Variants in RIPOR2 observed in about 807,000 individuals in gnomAD.
RIPOR2 encodes rho family-interacting cell polarization regulator 2.
RIPOR2 carries 39 observed loss-of-function variants against 114.5 expected under a neutral mutation model. The ratio of observed to expected loss-of-function variants is 0.34; its 90% CI spans 0.26 to 0.44. The LOEUF (loss-of-function observed/expected upper bound fraction) is 0.44. Among genes scored for constraint, RIPOR2 ranks in the 20% least tolerant of loss-of-function variants. The probability of loss-of-function intolerance (pLI) is 1.00; values close to 1 mark genes in which losing one functional copy is unlikely to be tolerated. For missense variants in RIPOR2, 1,007 were observed against 1,255.1 expected (o/e 0.80, Z 2.99); for synonymous variants, 445 against 484.4 (o/e 0.92, Z 1.07).
At chr6:25,004,977 CA>C (rs1775486589) in intron 1 of RIPOR2, among the ~76,000 whole-genome samples, 1 of 134,806 alleles carries the variant, frequency 7.4e-6, no homozygotes, top group African/African-American at 2.8e-5. Flanking sequence ...CAAATGTATT[CA>C]AATAGGCTAC....
intron 1 of RIPOR2, among the ~76,000 whole-genome samples, chr6:24,915,921 A>G (rs556077172): frequency 3.2e-4 from 49 of 152,306 alleles, no homozygotes; most frequent in African/African-American, 1.1e-3. Flanking sequence ...CCACTCTGCC[A>G]TGCAGGCTCT....
chr6:24,847,342 AC>A (rs1202903101), intron 12 of RIPOR2, among the ~76,000 whole-genome samples: 2 of 152,238 alleles, frequency 1.3e-5, no homozygotes, highest in African/African-American at 4.8e-5. Context: ...CAGCACAAAA[AC>A]AGGGATCATT....
At chr6:24,958,958 C>CTTTCTTTTT (rs139147901) in intron 1 of RIPOR2, among the ~76,000 whole-genome samples, 42,809 of 123,150 alleles carry the variant, frequency 0.35, 8,128 homozygotes, top group Non-Finnish European at 0.41. Context: ...TCTACATTTT[C>CTTTCTTTTT]TTTTTTTTTT....
chr6:25,021,901 GA>G (rs1158204933), intron 1 of RIPOR2, among the ~76,000 whole-genome samples: 1 of 152,200 alleles, frequency 6.6e-6, no homozygotes, highest in Admixed American at 6.5e-5. Flanking sequence ...TGAGAGACCA[GA>G]TTGAAATCCA....
chr6:25,026,045 GTT>G (rs796470668), intron 1 of RIPOR2, among the ~76,000 whole-genome samples: 1 of 146,260 alleles, frequency 6.8e-6, no homozygotes. Flanking sequence ...AAAGATTGTT[GTT>G]TTTTTTTTTT....
intron 1 of RIPOR2, among the ~76,000 whole-genome samples, chr6:24,892,457 G>T (rs1767458485): frequency 6.6e-6 from 1 of 152,108 alleles, no homozygotes; most frequent in African/African-American, 2.4e-5. Flanking sequence ...GGTCACACAA[G>T]AACTGTTTGA....
intron 1 of RIPOR2, chr6:24,976,741 G>C: frequency 6.2e-7 from 1 of 1,610,844 alleles, no homozygotes; most frequent in Non-Finnish European, 8.5e-7. Flanking sequence ...TTGAAGATGA[G>C]AACTTCATCC....
At chr6:24,865,261 A>C (rs1448665842) in intron 7 of RIPOR2, 40 bp downstream of exon 7, 1 of 1,551,572 alleles carries the variant, frequency 6.4e-7, no homozygotes, top group South Asian at 1.2e-5. Context: ...ACACCAGGCC[A>C]GATGGGATTC....
chr6:24,829,404 G>A (rs186180974), intron 17 of RIPOR2, among the ~76,000 whole-genome samples: 12 of 152,112 alleles, frequency 7.9e-5, no homozygotes, highest in African/African-American at 2.9e-4. Context: ...GCCAAGGGAG[G>A]ATTGCTTGAG....
intron 1 of RIPOR2, among the ~76,000 whole-genome samples, chr6:24,880,137 T>C (rs905592731): frequency 3.9e-5 from 6 of 152,188 alleles, no homozygotes; most frequent in African/African-American, 1.4e-4. Flanking sequence ...CTTTGATAGC[T>C]CCTCTAGGGA....
intron 1 of RIPOR2, among the ~76,000 whole-genome samples, chr6:24,992,312 C>G (rs1002531494): frequency 6.6e-5 from 10 of 152,140 alleles, no homozygotes; most frequent in African/African-American, 2.4e-4. Flanking sequence ...GTACTCCTCA[C>G]TTTGCATGGT....
intron 1 of RIPOR2, among the ~76,000 whole-genome samples, chr6:24,929,919 T>A (rs2114142277): frequency 1.3e-5 from 2 of 152,050 alleles, no homozygotes; most frequent in Admixed American, 1.3e-4. Context: ...ACAAAAAAAA[T>A]TAAAAAATTA....
At chr6:24,954,440 G>A (rs1212784613) in intron 1 of RIPOR2, among the ~76,000 whole-genome samples, 1 of 141,270 alleles carries the variant, frequency 7.1e-6, no homozygotes, top group African/African-American at 2.6e-5. Context: ...AACTGTGCAG[G>A]CCCAGTCTCT....
At chr6:24,945,308 T>C (rs1052890015) in intron 1 of RIPOR2, among the ~76,000 whole-genome samples, 5 of 152,132 alleles carry the variant, frequency 3.3e-5, no homozygotes, top group African/African-American at 1.2e-4. Flanking sequence ...TTTCCAGATA[T>C]ACAAAAGCTG....
At chr6:25,041,956 C>A in exon 1 of RIPOR2, 1 of 697,694 alleles carries the variant, frequency 1.4e-6, no homozygotes, top group Non-Finnish European at 2.6e-6. Flanking sequence ...AAAACCTGCT[C>A]ATGGCAAAGG....
intron 1 of RIPOR2, among the ~76,000 whole-genome samples, chr6:24,988,743 C>T (rs1382718611): frequency 5.3e-5 from 8 of 152,010 alleles, no homozygotes; most frequent in Admixed American, 1.3e-4. Flanking sequence ...CTTGTCCTTG[C>T]CATGTTTATG....
intron 15 of RIPOR2, among the ~76,000 whole-genome samples, chr6:24,834,984 G>T (rs1761003406): frequency 6.6e-6 from 1 of 152,138 alleles, no homozygotes; most frequent in Non-Finnish European, 1.5e-5. Context: ...AAGCAAGCTG[G>T]GAGAAGAATG....
intron 1 of RIPOR2, among the ~76,000 whole-genome samples, chr6:24,917,178 T>C (rs1770142922): frequency 1.3e-5 from 2 of 152,072 alleles, no homozygotes; most frequent in Non-Finnish European, 2.9e-5. Context: ...TAATCTAGAA[T>C]AGCCTTTTTG....
intron 1 of RIPOR2, among the ~76,000 whole-genome samples, chr6:24,925,410 A>G (rs1770792057): frequency 6.6e-6 from 1 of 152,110 alleles, no homozygotes; most frequent in Admixed American, 6.6e-5. Flanking sequence ...AAGTGTAGAG[A>G]ATTTAGGTTC....
Sources: allele counts gnomAD v4.1 joint callset (sites outside exome capture counted in the v4.1 genomes callset), GRCh38; gene constraint gnomAD v4.1.1; transcripts MANE v1.5; gene names NCBI Gene and HGNC (gene_info 2026-07-23, HGNC 2026-07-21).